Variants in STIL observed in about 807,000 individuals in gnomAD.
STIL encodes the protein SCL-interrupting locus protein.
In STIL, 55 loss-of-function variants were observed where a neutral mutation model predicts 110.1. The ratio of observed to expected loss-of-function variants is 0.50; its 90% confidence interval spans 0.40 to 0.63. The LOEUF (loss-of-function observed/expected upper bound fraction) is 0.63, where lower values mean the gene tolerates loss of function less well. Among genes scored for constraint, STIL ranks in the 20% least tolerant of loss-of-function variants. The pLI is 0.00. For missense variants in STIL, 1,358 were observed against 1,530.0 expected, an observed-to-expected ratio of 0.89 and a Z score of 1.87; for synonymous variants, 481 against 530.0, an observed-to-expected ratio of 0.91 and a Z score of 1.27.
At chr1:47,297,595 A>G (rs1645679062) in intron 6 of STIL, among the ~76,000 whole-genome samples, 1 of 152,056 alleles carries the variant, frequency 6.6e-6, no homozygotes, top group African/African-American at 2.4e-5. Flanking sequence ...TTTTTTTTTA[A>G]TGATGGGGTC....
At chr1:47,276,810 C>T (rs1645005000) in intron 12 of STIL, among the ~76,000 whole-genome samples, 1 of 69,238 alleles carries the variant, frequency 1.4e-5, no homozygotes, top group Non-Finnish European at 2.7e-5. Context: ...TAAAACTCTG[C>T]CTAAAAAAAA....
chr1:47,272,562 C>T (rs1319186257), intron 12 of STIL, among the ~76,000 whole-genome samples: 1 of 151,944 alleles, frequency 6.6e-6, no homozygotes, highest in African/African-American at 2.4e-5. Flanking sequence ...GATCCTCCCA[C>T]CTCAGCCTCC....
chr1:47,257,281 G>A (rs2148683348), intron 16 of STIL, among the ~76,000 whole-genome samples: 1 of 152,206 alleles, frequency 6.6e-6, no homozygotes, highest in South Asian at 2.1e-4. Context: ...AAGATAACAG[G>A]GAAACTAAAT....
At chr1:47,277,568 T>C (rs189461699) in intron 12 of STIL, among the ~76,000 whole-genome samples, 1 of 152,128 alleles carries the variant, frequency 6.6e-6, no homozygotes, top group Admixed American at 6.5e-5. Flanking sequence ...TCATCAGTGG[T>C]TTGAATTAGG....
chr1:47,251,241 A>G lies in STIL; in HGVS notation c.3762T>C (p.Pro1254=), dbSNP rs1644173557. The change falls in exon 17 of 17, where the codon CCT becomes CCC. Residue 1254 remains proline (P), a synonymous_variant. Coordinates refer to ENST00000371877, the MANE Select transcript of STIL (RefSeq NM_001048166.1). Reference sequence around the variant, plus strand: ...GCGTTTCAGAAGGTTGCAAACTTTCAGGAAAAATTGTAATGTCCCCTTCAT... The same window carrying G: ...GCGTTTCAGAAGGTTGCAAACTTTCGGGAAAAATTGTAATGTCCCCTTCAT... ...KENEGDITIF[P]ESLQPSETLK... is the part of the protein sequence containing the mutation. The G allele has an allele frequency of 1.9e-6, 3 of 1,611,210 alleles. No individual in the cohort carries two copies. The highest frequency in any genetic ancestry group is 2.5e-6 in the Non-Finnish European group (3 of 1,178,332).
chr1:47,270,237 A>ATATAT (rs1553172317), intron 13 of STIL, among the ~76,000 whole-genome samples: 24 of 103,174 alleles, frequency 2.3e-4, no homozygotes, highest in African/African-American at 7.9e-4. Context: ...CAAAAAAAAA[A>ATATAT]AAAAATATAT....
In STIL at chr1:47,302,295, A is replaced by G; in HGVS notation, c.204T>C (p.His68=). Residue 68 remains histidine (H), a synonymous_variant, in exon 4 of 17, where the codon CAT becomes CAC. Coordinates refer to ENST00000371877, the MANE Select transcript of STIL (RefSeq NM_001048166.1). ...ACGAATTTTTTTTATTCTGCTTAGCATGACGATAAGCAAGTCGGATGGTCT... is the reference window on the plus strand; with the variant it reads ...ACGAATTTTTTTTATTCTGCTTAGCGTGACGATAAGCAAGTCGGATGGTCT... ...TEKTIRLAYR[H]AKQNKKNSSC... The G allele has an allele frequency of 6.2e-7, 1 of 1,614,154 alleles. No individual in the cohort carries two copies. Among genetic ancestry groups the G allele is most frequent in the Non-Finnish European group, 8.5e-7 (1 of 1,180,020 alleles).
intron 8 of STIL, among the ~76,000 whole-genome samples, chr1:47,290,628 G>A (rs1344316618): frequency 6.6e-6 from 1 of 151,748 alleles, no homozygotes; most frequent in South Asian, 2.1e-4. Context: ...GCGTGAACCC[G>A]GGAGGTGGAG....
chr1:47,272,144 A>G lies in STIL; in HGVS notation c.2315T>C (p.Val772Ala), dbSNP rs747614703. ...TVQAGRQMEL[V>A]SVEAQSSPGL... The stretch of plus-strand genomic sequence containing the variant: ...AGGGGAAGACTGTGCTTCCACAGAA[A>G]CCAACTCCATTTGTCTTCCAGCTTG... Residue 772 changes from valine to alanine, a missense_variant, in exon 13 of 17, where the codon GTT (valine) becomes GCT (alanine). Physicochemically the swap from Val to Ala is moderately conservative, Grantham distance 64. Coordinates refer to ENST00000371877, the MANE Select transcript of STIL (RefSeq NM_001048166.1). 2 of 1,614,200 alleles carry G rather than the reference A, an allele frequency of 1.2e-6. No individual in the cohort carries two copies. Among genetic ancestry groups the G allele is most frequent in the Non-Finnish European group, 1.7e-6 (2 of 1,180,030 alleles).
At position 47,287,885 on chromosome 1, in the gene STIL, C is replaced by T. The variant is rs116403336; in HGVS notation, c.1024-225G>A. ...TGAATATAACTATGAAATGAGAATA[C>T]CATCTAAAGAATAAAATGACAAATA... On this transcript the variant is annotated intron_variant, in intron 9 of 16. Transcript: ENST00000371877. 8.0e-3 allele frequency among the ~76,000 whole-genome samples: 1,209 copies of T among 151,784 alleles called. 12 individuals carry two copies. The highest frequency in any genetic ancestry group is 0.027 in the African/African-American group (1,135 of 41,390).
At chr1:47,269,588 A>C in intron 14 of STIL, 47 bp downstream of exon 14, 1 of 1,539,972 alleles carries the variant, frequency 6.5e-7, no homozygotes, top group Non-Finnish European at 8.9e-7. Context: ...TATCAAAAAA[A>C]ATTTTTTTTG....
At chr1:47,298,764 GAC>G (rs773175396) in intron 6 of STIL, among the ~76,000 whole-genome samples, 3 of 150,868 alleles carry the variant, frequency 2.0e-5, no homozygotes, top group Non-Finnish European at 4.4e-5. Flanking sequence ...GTTTTTTTGA[GAC>G]AGAGTCTCGC....
At chr1:47,310,610 G>A (rs1646095091) in intron 1 of STIL, among the ~76,000 whole-genome samples, 3 of 152,090 alleles carry the variant, frequency 2.0e-5, no homozygotes, top group African/African-American at 7.2e-5. Context: ...CTTAAGGAAA[G>A]CTCGGATTCT....
intron 2 of STIL, among the ~76,000 whole-genome samples, chr1:47,305,491 C>T (rs1418156337): frequency 3.3e-5 from 5 of 151,898 alleles, no homozygotes; most frequent in African/African-American, 1.2e-4. Context: ...TACTGTGGTG[C>T]AATCTCAGCT....
Position 47,280,756 on chromosome 1 carries a change from G to C in STIL, c.1702C>G (p.Gln568Glu). The stretch of plus-strand genomic sequence containing the variant: ...AAAACAAAATCGTGTGGTTGGGACT[G>C]CGGGGCAAGAGAAGACTGCCTAGAA... The part of the protein sequence containing the change: ...LNSRQSSLAP[Q>E]SQPHDFVFSP... Residue 568 changes from glutamine (Q) to glutamate (E), a missense_variant, in exon 12 of 17, where the codon CAG (glutamine) becomes GAG (glutamate). Gln to Glu is a conservative substitution (Grantham distance 29, BLOSUM62 2). Transcript: ENST00000371877. The C allele has an allele frequency of 6.2e-7, 1 of 1,613,990 alleles. No homozygotes were observed. The highest frequency in any genetic ancestry group is 8.5e-7 in the Non-Finnish European group (1 of 1,179,900).
At chr1:47,269,124 T>TGGAACCTAATATTATC (rs1407256562) in intron 14 of STIL, among the ~76,000 whole-genome samples, 2 of 152,070 alleles carry the variant, frequency 1.3e-5, no homozygotes, top group Middle Eastern at 3.4e-3. Flanking sequence ...CATCTGTATC[T>TGGAACCTAATATTATC]GGAACCTAAT....
chr1:47,285,162 T>C (rs1469471761), intron 10 of STIL, among the ~76,000 whole-genome samples: 1 of 152,130 alleles, frequency 6.6e-6, no homozygotes. Context: ...GCTGGGACTA[T>C]AGGCATGTGC....
chr1:47,251,473 T>C lies in STIL; in HGVS notation c.3530A>G (p.Glu1177Gly). 1 of 1,614,246 alleles carries C rather than the reference T, an allele frequency of 6.2e-7. No individual in the cohort carries two copies. Residue 1177 changes from glutamate to glycine, a missense_variant, in exon 17 of 17, where the codon GAA becomes GGA. Physicochemically the swap from Glu to Gly is moderately conservative, Grantham distance 98. Transcript: ENST00000371877. ...TTCACAGTTAGAACAATTAATTATT[T>C]CATGGTCATTCTTAGAAGGCTCTTT... Reference protein sequence around the residue: ...GQKEPSKNDHEIINCSNCESV... With the variant: ...GQKEPSKNDHGIINCSNCESV...
At position 47,280,901 on chromosome 1, in the gene STIL, C is replaced by T. The variant is rs1433429748; in HGVS notation, c.1557G>A (p.Arg519=). The T allele has an allele frequency of 1.1e-5, 18 of 1,614,162 alleles. No homozygotes were observed. The highest frequency in any genetic ancestry group is 1.4e-5 in the Non-Finnish European group (16 of 1,180,030). The change falls in exon 12 of 17, where the codon AGG becomes AGA. Residue 519 remains arginine, a synonymous_variant. Transcript: ENST00000371877. The part of the protein sequence containing the change: ...PAYKKGNPHT[R]NSIKPSSHNG... ...TATGAGAAGATGGTTTAATACTGTT[C>T]CTGGTATGGGGGTTCCCTTTCTTAT...
Sources: allele counts gnomAD v4.1 joint callset (sites outside exome capture counted in the v4.1 genomes callset), GRCh38; gene constraint gnomAD v4.1.1; transcripts MANE v1.5; gene names NCBI Gene and HGNC (gene_info 2026-07-23, HGNC 2026-07-21).